ITSN2: variants seen among roughly 807,000 people sequenced by gnomAD.
ITSN2 encodes intersectin 2.
Under a neutral mutation model 243.7 loss-of-function variants are expected in ITSN2, and 156 were observed. That is an observed-to-expected ratio of 0.64 (90% CI 0.56 to 0.73). The LOEUF is 0.73. Ranked by LOEUF, ITSN2 falls within the 30% of genes least tolerant of loss-of-function variation. The pLI is 0.00. For missense variants in ITSN2, 1,801 were observed against 1,996.1 expected (o/e 0.90, Z 1.86); for synonymous variants, 703 against 699.9 (o/e 1.00, Z -0.07).
chr2:24,217,945 G>C lies in ITSN2; in HGVS notation c.3768C>G (p.Asn1256Lys), dbSNP rs750563799. ...TGTTGGACATGATGAGCTCCTTCCA[G>C]TTAACAAAAATCAGGGCCATCTCCC... Reference protein sequence around the residue: ...TEGEMALIFVNWKELIMSNTK... With the variant: ...TEGEMALIFVKWKELIMSNTK... The change falls in exon 31 of 40, where the codon AAC (asparagine) becomes AAG (lysine). Residue 1256 changes from asparagine to lysine, a missense_variant. Asn to Lys is a moderately conservative substitution (Grantham distance 94). Transcript: ENST00000355123. 6.2e-7 allele frequency: 1 copy of C among 1,614,018 alleles called. No homozygotes were observed. Among genetic ancestry groups the C allele is most frequent in the Non-Finnish European group, 8.5e-7 (1 of 1,179,932 alleles).
At chr2:24,322,315 T>C (rs985701422) in intron 2 of ITSN2, among the ~76,000 whole-genome samples, 1 of 152,186 alleles carries the variant, frequency 6.6e-6, no homozygotes, top group African/African-American at 2.4e-5. Flanking sequence ...TACAGAGATA[T>C]TAAATAATTT....
chr2:24,305,743 C>CA (rs1286122690), intron 8 of ITSN2, among the ~76,000 whole-genome samples: 3 of 152,104 alleles, frequency 2.0e-5, no homozygotes, highest in African/African-American at 7.2e-5. Context: ...TCTTTACCTA[C>CA]AGATATATAG....
At chr2:24,243,395 A>G (rs1672968716) in intron 29 of ITSN2, among the ~76,000 whole-genome samples, 1 of 152,242 alleles carries the variant, frequency 6.6e-6, no homozygotes, top group African/African-American at 2.4e-5. Flanking sequence ...CCCCCAAAAG[A>G]GTAAAACCTG....
chr2:24,329,314 G>T (rs1280199768), intron 1 of ITSN2, among the ~76,000 whole-genome samples: 3 of 152,098 alleles, frequency 2.0e-5, no homozygotes, highest in Admixed American at 6.5e-5. Flanking sequence ...AGGCTGGAGT[G>T]CAGTGGCGCA....
Position 24,246,243 on chromosome 2 carries a change from T to A in ITSN2, c.3463A>T (p.Asn1155Tyr). 1.9e-6 allele frequency: 3 copies of A among 1,613,072 alleles called. No individual in the cohort carries two copies. In the South Asian group the frequency reaches 3.3e-5, roughly 18 times the overall value. ...ELSFSKGQLI[N>Y]VMNKDDPDWW... is the part of the protein sequence containing the mutation. Reference sequence around the variant, plus strand: ...TCAGGATCATCTTTGTTCATAACATTAATGAGTTGTCCCTTGGAGAAACTG... The same window carrying A: ...TCAGGATCATCTTTGTTCATAACATAAATGAGTTGTCCCTTGGAGAAACTG... Residue 1155 changes from asparagine (N) to tyrosine (Y), a missense_variant, in exon 29 of 40, where the codon AAT becomes TAT. Physicochemically the swap from Asn to Tyr is moderately radical, Grantham distance 143. Around this residue, in one of 5 missense-constraint regions of ITSN2, gnomAD observed 928 missense variants for 1,065.4 expected, o/e 0.87. Transcript: ENST00000355123.
At chr2:24,254,455 A>G in intron 23 of ITSN2, 24 bp from the exon 24 acceptor site, 1 of 1,551,098 alleles carries the variant, frequency 6.4e-7, no homozygotes, top group South Asian at 1.1e-5. Flanking sequence ...AAACAAACAA[A>G]CAAACAAACA....
chr2:24,275,824 T>C lies in ITSN2; in HGVS notation c.1970A>G (p.Gln657Arg), dbSNP rs1677940414. ...LKELRETYNT[Q>R]QLALEQLYKI... ...ATAAAGCTGTTCAAGGGCTAACTGC[T>C]GTGTGTTGTAGGTTTCTCTCAGTTC... Residue 657 changes from glutamine (Q) to arginine (R), a missense_variant, in exon 18 of 40, where the codon CAG becomes CGG. This residue lies in a region of ITSN2 where 787 missense variants were observed against 803.9 expected (regional missense o/e 0.98). Transcript: ENST00000355123. 1 of 1,611,420 alleles carries C rather than the reference T, an allele frequency of 6.2e-7. No individual in the cohort carries two copies. Among genetic ancestry groups the C allele is most frequent in the South Asian group, 1.1e-5 (1 of 90,516 alleles).
intron 29 of ITSN2, 69 bp downstream of exon 29, chr2:24,246,060 G>T: frequency 1.0e-6 from 1 of 968,730 alleles, no homozygotes; most frequent in Non-Finnish European, 1.5e-6. Context: ...ATCCAGAAAA[G>T]GAATAAATGC....
chr2:24,221,734 C>T (rs1670465752), intron 29 of ITSN2, among the ~76,000 whole-genome samples: 1 of 152,216 alleles, frequency 6.6e-6, no homozygotes, highest in African/African-American at 2.4e-5. Context: ...TCCTGGTACA[C>T]TGCAGATATC....
At chr2:24,343,780 G>C (rs1299089466) in intron 1 of ITSN2, among the ~76,000 whole-genome samples, 1 of 152,130 alleles carries the variant, frequency 6.6e-6, no homozygotes, top group Non-Finnish European at 1.5e-5. Flanking sequence ...ACATTTTAGA[G>C]TACCTATACC....
intron 17 of ITSN2, among the ~76,000 whole-genome samples, chr2:24,283,408 T>C (rs1679075570): frequency 6.6e-6 from 1 of 152,176 alleles, no homozygotes; most frequent in Non-Finnish European, 1.5e-5. Context: ...GTATTTTTAG[T>C]AGAGACGGGG....
At chr2:24,251,328 A>AAAAAAAAAAAAAAAAAAATAT (rs1358585681) in intron 25 of ITSN2, among the ~76,000 whole-genome samples, 1 of 6,990 alleles carries the variant, frequency 1.4e-4, no homozygotes, top group African/African-American at 4.5e-4. Context: ...AAAAAAATAA[A>AAAAAAAAAAAAAAAAAAATAT]ATATATATAT....
At chr2:24,203,870 AC>A (rs780432877) in intron 39 of ITSN2, 87 bp from the exon 40 acceptor site, 8 of 1,393,494 alleles carry the variant, frequency 5.7e-6, no homozygotes, top group East Asian at 2.3e-5. Context: ...GATTCATAAA[AC>A]CTTCAAATCT....
At chr2:24,216,433 G>A in intron 31 of ITSN2, 1 of 431,920 alleles carries the variant, frequency 2.3e-6, no homozygotes. Context: ...TGTGATGTCA[G>A]CAAAGAAAAA....
chr2:24,302,404 T>C (rs889760959), intron 9 of ITSN2, among the ~76,000 whole-genome samples: 1 of 152,030 alleles, frequency 6.6e-6, no homozygotes, highest in Non-Finnish European at 1.5e-5. Flanking sequence ...TTCACCGTGT[T>C]AGCCAGGATG....
intron 13 of ITSN2, 23 bp from the exon 14 acceptor site, chr2:24,295,827 T>C: frequency 6.9e-7 from 1 of 1,452,882 alleles, no homozygotes; most frequent in Non-Finnish European, 9.2e-7. Flanking sequence ...CATATAAATA[T>C]ATAGTAACAT....
chr2:24,257,590 G>A (rs1464669463), intron 23 of ITSN2, among the ~76,000 whole-genome samples: 2 of 151,678 alleles, frequency 1.3e-5, no homozygotes, highest in African/African-American at 2.4e-5. Context: ...CCAAGTAGCT[G>A]GGACTACAGG....
At position 24,203,634 on chromosome 2, in the gene ITSN2, G is replaced by C. The variant is rs1019583506; in HGVS notation, c.5086C>G (p.Leu1696Val). Residue 1696 changes from leucine (L) to valine (V), a missense_variant, in exon 40 of 40, where the codon CTC (leucine) becomes GTC (valine). Transcript: ENST00000355123. ...GCTGTCCTTTAGAACCCCTACAGGAGAGTTTTTTGCTCAAAAAGCTGCAGG... is the reference window on the plus strand; with the variant it reads ...GCTGTCCTTTAGAACCCCTACAGGACAGTTTTTTGCTCAAAAAGCTGCAGG... Reference protein sequence around the residue: ...FDLQLFEQKTLL With the variant: ...FDLQLFEQKTVL 2 of 1,613,952 alleles carry C rather than the reference G, an allele frequency of 1.2e-6. No individual in the cohort carries two copies. Among genetic ancestry groups the C allele is most frequent in the Non-Finnish European group, 1.7e-6 (2 of 1,179,922 alleles).
At chr2:24,310,762 T>G (rs1683165802) in intron 5 of ITSN2, 70 bp from the exon 6 acceptor site, 3 of 1,278,300 alleles carry the variant, frequency 2.3e-6, no homozygotes, top group Non-Finnish European at 3.3e-6. Context: ...AAAAACAAGT[T>G]TACAGTACAG....
Sources: allele counts gnomAD v4.1 joint callset (sites outside exome capture counted in the v4.1 genomes callset), GRCh38; gene constraint gnomAD v4.1.1; regional missense constraint gnomAD v4.1.1; transcripts MANE v1.5; gene names NCBI Gene and HGNC (gene_info 2026-07-23, HGNC 2026-07-21).